ATG5: variants seen among roughly 807,000 people sequenced by gnomAD.
The protein encoded by ATG5 is autophagy related 5, also known as autophagy protein 5.
Under a neutral mutation model 36.5 loss-of-function variants are expected in ATG5, and 14 were observed. That is an observed-to-expected ratio of 0.38 (90% confidence interval 0.25 to 0.60). ATG5 has a LOEUF of 0.60. Ranked by LOEUF, ATG5 falls within the 20% of genes least tolerant of loss-of-function variation. The probability of loss-of-function intolerance (pLI) is 0.60; values close to 1 mark genes in which losing one functional copy is unlikely to be tolerated. For synonymous variants in ATG5, 95 were observed against 101.5 expected (o/e 0.94, Z 0.38); for missense variants, 195 against 326.7 (o/e 0.60, Z 3.11).
chr6:106,227,507 G>C (rs552891160), intron 6 of ATG5, among the ~76,000 whole-genome samples: 1 of 152,294 alleles, frequency 6.6e-6, no homozygotes, highest in African/African-American at 2.4e-5. Context: ...AAGGTGGAAA[G>C]ATCGCTTGAG....
At chr6:106,320,184 T>C (rs1771007066) in intron 1 of ATG5, among the ~76,000 whole-genome samples, 1 of 152,236 alleles carries the variant, frequency 6.6e-6, no homozygotes, top group South Asian at 2.1e-4. Context: ...TCCATCATAC[T>C]ATATTGATTG....
chr6:106,309,771 C>T (rs779687893), intron 2 of ATG5, among the ~76,000 whole-genome samples: 4 of 152,070 alleles, frequency 2.6e-5, no homozygotes, highest in African/African-American at 4.8e-5. Flanking sequence ...AGCAAAACAG[C>T]GTCGCAAACT....
intron 1 of ATG5, among the ~76,000 whole-genome samples, chr6:106,316,911 T>C (rs1343308296): frequency 6.6e-6 from 1 of 152,192 alleles, no homozygotes; most frequent in Non-Finnish European, 1.5e-5. Context: ...TGTATCCTAC[T>C]ATTCCCCTAC....
At chr6:106,188,189 G>C (rs1257157984) in intron 7 of ATG5, among the ~76,000 whole-genome samples, 1 of 152,136 alleles carries the variant, frequency 6.6e-6, no homozygotes, top group African/African-American at 2.4e-5. Context: ...CATTGGTATT[G>C]AAATGGAGAA....
chr6:106,317,515 C>T (rs1452811192), intron 1 of ATG5, among the ~76,000 whole-genome samples: 2 of 152,110 alleles, frequency 1.3e-5, no homozygotes, highest in Admixed American at 6.6e-5. Flanking sequence ...GGTACGTAAA[C>T]TGCAAGAGGT....
chr6:106,208,891 G>A (rs1305164999), intron 6 of ATG5, among the ~76,000 whole-genome samples: 1 of 152,138 alleles, frequency 6.6e-6, no homozygotes, highest in Non-Finnish European at 1.5e-5. Flanking sequence ...TTTTACCAAA[G>A]AGAATATATA....
chr6:106,283,596 G>A (rs1231932687), intron 4 of ATG5: 1 of 152,076 alleles, frequency 6.6e-6, no homozygotes, highest in Non-Finnish European at 1.5e-5. Context: ...GCTGAACTTA[G>A]TGTGGAAATT....
intron 5 of ATG5, among the ~76,000 whole-genome samples, chr6:106,251,666 AGGGGGAGG>A (rs1778588016): frequency 2.8e-5 from 1 of 35,830 alleles, no homozygotes. Context: ...GGAGGAAGGG[AGGGGGAGG>A]GGGAGAGAAA....
chr6:106,189,012 T>C (rs939588711), intron 7 of ATG5, among the ~76,000 whole-genome samples: 2 of 152,196 alleles, frequency 1.3e-5, no homozygotes, highest in African/African-American at 4.8e-5. Context: ...TATTTGTTAC[T>C]CTGTCCCCAG....
chr6:106,223,444 T>G (rs1046122518), intron 6 of ATG5, among the ~76,000 whole-genome samples: 1 of 152,206 alleles, frequency 6.6e-6, no homozygotes, highest in Admixed American at 6.5e-5. Context: ...AATTTAAGCC[T>G]AAATTGCCTA....
chr6:106,321,453 G>A (rs1279521927), intron 1 of ATG5, among the ~76,000 whole-genome samples: 1 of 151,992 alleles, frequency 6.6e-6, no homozygotes, highest in Non-Finnish European at 1.5e-5. Context: ...CCGTCTCCCG[G>A]GTTCACGCCA....
At chr6:106,196,081 A>C (rs1293091560) in intron 7 of ATG5, among the ~76,000 whole-genome samples, 2 of 152,166 alleles carry the variant, frequency 1.3e-5, no homozygotes, top group African/African-American at 4.8e-5. Context: ...CATAATCACC[A>C]TTTAAAAAAT....
intron 6 of ATG5, among the ~76,000 whole-genome samples, chr6:106,206,358 G>A (rs1313613218): frequency 6.6e-6 from 1 of 152,124 alleles, no homozygotes; most frequent in Non-Finnish European, 1.5e-5. Flanking sequence ...TGACTTCCCA[G>A]CCTCCAGAAC....
intron 7 of ATG5, among the ~76,000 whole-genome samples, chr6:106,192,856 C>A (rs1776020037): frequency 6.6e-6 from 1 of 152,114 alleles, no homozygotes; most frequent in African/African-American, 2.4e-5. Flanking sequence ...ATTCTTTAAC[C>A]TCTGATATGT....
chr6:106,195,410 C>T (rs1158999393), intron 7 of ATG5, among the ~76,000 whole-genome samples: 1 of 152,144 alleles, frequency 6.6e-6, no homozygotes, highest in African/African-American at 2.4e-5. Flanking sequence ...TCTGACAATA[C>T]TACAGGTGAA....
At chr6:106,219,011 G>T (rs1031368466) in intron 6 of ATG5, among the ~76,000 whole-genome samples, 1 of 151,830 alleles carries the variant, frequency 6.6e-6, no homozygotes, top group African/African-American at 2.4e-5. Context: ...AAGAAAAAAA[G>T]GAAGAAGGAA....
At chr6:106,196,356 G>C (rs1288557830) in intron 7 of ATG5, among the ~76,000 whole-genome samples, 1 of 152,130 alleles carries the variant, frequency 6.6e-6, no homozygotes, top group Non-Finnish European at 1.5e-5. Context: ...ACAAATGGCA[G>C]CATAGTAAAG....
chr6:106,257,288 C>A (rs1377887457), intron 5 of ATG5, among the ~76,000 whole-genome samples: 1 of 152,114 alleles, frequency 6.6e-6, no homozygotes, highest in Non-Finnish European at 1.5e-5. Context: ...GGTGAACACT[C>A]TAAAATAATG....
At chr6:106,251,966 A>G (rs769470089) in intron 5 of ATG5, among the ~76,000 whole-genome samples, 2 of 151,820 alleles carry the variant, frequency 1.3e-5, no homozygotes, top group Non-Finnish European at 2.9e-5. Context: ...TCAGCCTCCC[A>G]AGTAGCTGGG....
Sources: allele counts gnomAD v4.1 joint callset (sites outside exome capture counted in the v4.1 genomes callset), GRCh38; gene constraint gnomAD v4.1.1; transcripts MANE v1.5; gene names NCBI Gene and HGNC (gene_info 2026-07-23, HGNC 2026-07-21).